GRM5: variants seen among roughly 807,000 people sequenced by gnomAD.
GRM5 encodes the protein glutamate metabotropic receptor 5.
GRM5 carries 19 observed loss-of-function variants against 83.1 expected under a neutral mutation model. The ratio of observed to expected loss-of-function variants is 0.23; its 90% CI spans 0.16 to 0.34. GRM5 has a LOEUF of 0.34. Ranked by LOEUF, GRM5 falls within the 10% of genes least tolerant of loss-of-function variation. The pLI, the probability that GRM5 is intolerant of heterozygous loss-of-function variation, is 1.00. For missense variants in GRM5, 1,160 were observed against 1,588.3 expected (o/e 0.73, Z 4.58); for synonymous variants, 675 against 633.6 (o/e 1.07, Z -0.98).
intron 3 of GRM5, among the ~76,000 whole-genome samples, chr11:88,694,336 C>A (rs1940853465): frequency 6.6e-6 from 1 of 152,042 alleles, no homozygotes; most frequent in Non-Finnish European, 1.5e-5. Context: ...TATTTTATAT[C>A]AGTACAGGAG....
intron 3 of GRM5, among the ~76,000 whole-genome samples, chr11:88,832,935 C>T (rs75404772): frequency 0.025 from 3,870 of 151,924 alleles, 171 homozygotes; most frequent in African/African-American, 0.089. Flanking sequence ...GAAACAGGAC[C>T]CCTAACTCTC....
chr11:88,515,340 G>A (rs1941492809), intron 9 of GRM5, among the ~76,000 whole-genome samples: 1 of 152,128 alleles, frequency 6.6e-6, no homozygotes, highest in African/African-American at 2.4e-5. Flanking sequence ...GTATTAGTTG[G>A]TAAAGTGATA....
intron 3 of GRM5, among the ~76,000 whole-genome samples, chr11:88,693,834 T>C (rs1411550748): frequency 6.7e-6 from 1 of 150,196 alleles, no homozygotes; most frequent in Admixed American, 6.6e-5. Context: ...AATGAAATGT[T>C]AGGTGTGGGA....
rs1277050421 is a variant in GRM5 at position 89,047,635 on chromosome 11, T to C, written c.238A>G (p.Asn80Asp). The C allele has an allele frequency of 1.2e-6, 2 of 1,614,002 alleles. No homozygotes were observed. The highest frequency in any genetic ancestry group is 1.3e-5 in the African/African-American group (1 of 74,910). The change falls in exon 2 of 10, where the codon AAT (asparagine) becomes GAT (aspartate). Residue 80 changes from asparagine (N) to aspartate (D), a missense_variant. Around this residue, in one of 9 missense-constraint regions of GRM5, gnomAD observed 71 missense variants for 145.8 expected, o/e 0.49. Coordinates refer to ENST00000305447, the MANE Select transcript of GRM5 (RefSeq NM_001143831.3). This position sits in a 1 kb window ranked among gnomAD's most constrained non-coding sequence, Gnocchi z 5.1. The stretch of plus-strand genomic sequence containing the variant: ...TTGGGCAAGAGTGTGGGGTCTGAAT[T>C]GATCCTTTCCAGGGTATGCAGCATG... ...EAMLHTLERI[N>D]SDPTLLPNIT...
chr11:89,016,324 CATGTT>C (rs1432354591), intron 2 of GRM5, among the ~76,000 whole-genome samples: 1 of 150,354 alleles, frequency 6.7e-6, no homozygotes, highest in East Asian at 1.9e-4. Context: ...CATATATGTA[CATGTT>C]ATGTGCATGG....
chr11:89,025,245 A>G (rs150521879), intron 2 of GRM5, among the ~76,000 whole-genome samples: 681 of 152,336 alleles, frequency 4.5e-3, no homozygotes, highest in Non-Finnish European at 6.9e-3. Context: ...AAGAGATATC[A>G]CTAGACTGGA....
Position 88,508,565 on chromosome 11 carries a change from G to T in GRM5, c.*27C>A. On this transcript the variant is annotated 3_prime_UTR_variant, in exon 10 of 10. Transcript: ENST00000305447. This position sits in a 1 kb window ranked among gnomAD's most constrained non-coding sequence, Gnocchi z 4.2. Reference sequence around the variant, plus strand: ...ACACGGGGGGCTCCGCTCCGCACGCGCAGGCCGGCGTGCTTTCCAGGGACA... The same window carrying T: ...ACACGGGGGGCTCCGCTCCGCACGCTCAGGCCGGCGTGCTTTCCAGGGACA... 1 of 1,578,768 alleles carries T rather than the reference G, an allele frequency of 6.3e-7. No homozygotes were observed. The highest frequency in any genetic ancestry group is 8.7e-7 in the Non-Finnish European group (1 of 1,152,634).
chr11:88,628,673 G>A (rs1030363682), intron 4 of GRM5, among the ~76,000 whole-genome samples: 1 of 152,184 alleles, frequency 6.6e-6, no homozygotes, highest in Non-Finnish European at 1.5e-5. Flanking sequence ...AAGCCCTGCT[G>A]CTGTCCATCA....
chr11:88,949,494 T>C (rs2135676659), intron 2 of GRM5, among the ~76,000 whole-genome samples: 1 of 152,298 alleles, frequency 6.6e-6, no homozygotes, highest in South Asian at 2.1e-4. Flanking sequence ...CCATAAAACA[T>C]ACAACCATGA....
intron 4 of GRM5, among the ~76,000 whole-genome samples, chr11:88,635,648 G>C (rs1939097488): frequency 6.6e-6 from 1 of 152,134 alleles, no homozygotes. Flanking sequence ...TTTTCACTCT[G>C]TTGATTGTTT....
intron 3 of GRM5, among the ~76,000 whole-genome samples, chr11:88,821,344 C>CAAAAAAAA (rs375051761): frequency 3.1e-4 from 21 of 67,942 alleles, no homozygotes; most frequent in South Asian, 5.5e-4. Flanking sequence ...CTTGAGGGGC[C>CAAAAAAAA]AAAAAAAAAA....
chr11:88,624,204 A>C (rs1938722133), intron 4 of GRM5, among the ~76,000 whole-genome samples: 1 of 152,220 alleles, frequency 6.6e-6, no homozygotes, highest in South Asian at 2.1e-4. Flanking sequence ...AGAAAATGCA[A>C]ACATCAAATT....
chr11:88,843,269 G>A (rs191968674), intron 3 of GRM5, among the ~76,000 whole-genome samples: 6 of 151,698 alleles, frequency 4.0e-5, no homozygotes, highest in South Asian at 2.1e-4. Context: ...GATCTTTTTC[G>A]CTTATATTAT....
chr11:88,509,775 G>C (rs953068138), intron 9 of GRM5, among the ~76,000 whole-genome samples: 2 of 152,214 alleles, frequency 1.3e-5, no homozygotes, highest in South Asian at 2.1e-4. Context: ...CAGGATGAAG[G>C]AGTGTTTATT....
chr11:88,685,090 T>C (rs527304135), intron 3 of GRM5, among the ~76,000 whole-genome samples: 3 of 152,268 alleles, frequency 2.0e-5, no homozygotes, highest in Admixed American at 6.5e-5. Flanking sequence ...GACAAGAATA[T>C]GTAGGAAAGT....
chr11:89,022,926 G>A (rs191651575), intron 2 of GRM5, among the ~76,000 whole-genome samples: 3 of 152,258 alleles, frequency 2.0e-5, no homozygotes, highest in East Asian at 3.9e-4. Context: ...TGCTTTGTAG[G>A]AAATCTGTTT....
At chr11:88,576,642 G>C (rs1245884584) in intron 7 of GRM5, among the ~76,000 whole-genome samples, 3 of 151,848 alleles carry the variant, frequency 2.0e-5, no homozygotes, top group Non-Finnish European at 4.4e-5. Context: ...TCTATAATTA[G>C]GGTTTTAATC....
At chr11:88,634,759 G>A (rs919233559) in intron 4 of GRM5, among the ~76,000 whole-genome samples, 19 of 152,066 alleles carry the variant, frequency 1.2e-4, no homozygotes, top group Admixed American at 3.3e-4. Context: ...ATACATAAAC[G>A]TTATTATTTT....
At chr11:88,717,960 G>C (rs1004667669) in intron 3 of GRM5, among the ~76,000 whole-genome samples, 1 of 151,642 alleles carries the variant, frequency 6.6e-6, no homozygotes, top group Non-Finnish European at 1.5e-5. Flanking sequence ...ATAATGAGAA[G>C]GTTTTATTTA....
Sources: gnomAD v4.1 joint callset for allele counts (sites outside exome capture counted in the v4.1 genomes callset) on GRCh38, gnomAD v4.1.1 for gene constraint, gnomAD v4.1.1 regional missense constraint, Gnocchi (gnomAD v3.1) non-coding constraint, MANE v1.5 for transcripts, NCBI Gene and HGNC (gene_info 2026-07-23, HGNC 2026-07-21) for gene names.